The following UNC13C variants were observed in gnomAD, a reference collection of about 807,000 sequenced individuals.
The protein encoded by UNC13C is protein unc-13 homolog C.
In UNC13C, 174 loss-of-function variants were observed where a neutral mutation model predicts 245.4. The observed-to-expected ratio is 0.71, with a 90% CI of 0.63 to 0.80. UNC13C has a LOEUF of 0.80. Among genes scored for constraint, UNC13C ranks in the 30% least tolerant of loss-of-function variants. The pLI, the probability that UNC13C is intolerant of heterozygous loss-of-function variation, is 0.00. For missense variants in UNC13C, 2,829 were observed against 2,602.9 expected (o/e 1.09, Z -1.89); for synonymous variants, 992 against 895.1 (o/e 1.11, Z -1.93).
chr15:54,399,530 T>C (rs1446010188), intron 18 of UNC13C, among the ~76,000 whole-genome samples: 1 of 151,884 alleles, frequency 6.6e-6, no homozygotes, highest in East Asian at 1.9e-4. Context: ...TTCGCATGCA[T>C]TGTACTATAA....
At chr15:53,908,475 A>T in the UNC13C span, among the ~76,000 whole-genome samples, 1 of 146,098 alleles carries the variant, frequency 6.8e-6, no homozygotes. Context: ...TGTAGTATGC[A>T]TGCCTGTAAT....
chr15:54,013,391 C>G lies in UNC13C; in HGVS notation c.488C>G (p.Ser163Cys), dbSNP rs191754433. The change falls in exon 2 of 33, where the codon TCT becomes TGT. Residue 163 changes from serine (S) to cysteine (C), a missense_variant. Physicochemically the swap from Ser to Cys is moderately radical, Grantham distance 112 (BLOSUM62 -1). Coordinates refer to ENST00000260323, the MANE Select transcript of UNC13C (RefSeq NM_001080534.3). Reference sequence around the variant, plus strand: ...AAGAGTTCAAGCAGCCTTGCACCCTCTGAGGGCAGCTCTGACGGGGAGCGT... The same window carrying G: ...AAGAGTTCAAGCAGCCTTGCACCCTGTGAGGGCAGCTCTGACGGGGAGCGT... The part of the protein sequence containing the change: ...NRKSSSSLAP[S>C]EGSSDGERTL... 22 of 1,613,884 alleles carry G rather than the reference C, an allele frequency of 1.4e-5. No homozygotes were observed. Among genetic ancestry groups the G allele is most frequent in the Admixed American group, 1.7e-5 (1 of 59,990 alleles).
intron 19 of UNC13C, among the ~76,000 whole-genome samples, chr15:54,457,892 G>GTTTTTTTTTTTTTTCTTTTTTTTTTT (rs34133938): frequency 3.3e-5 from 4 of 122,994 alleles, no homozygotes; most frequent in South Asian, 2.6e-4. Context: ...TCTGCTTTTC[G>GTTTTTTTTTTTTTTCTTTTTTTTTTT]TTTTTTTTTT....
Position 54,338,584 on chromosome 15 carries a change from A to G in UNC13C, c.4713+95A>G. On this transcript the variant is annotated intron_variant, in intron 17 of 32. Coordinates refer to ENST00000260323, the MANE Select transcript of UNC13C (RefSeq NM_001080534.3). ...TAATAGTAAATAGAAAAGTATGTTCATTTAATTTCACATTAACTGCAAATT... is the reference window on the plus strand; with the variant it reads ...TAATAGTAAATAGAAAAGTATGTTCGTTTAATTTCACATTAACTGCAAATT... 20 of 1,380,270 alleles carry G rather than the reference A, an allele frequency of 1.4e-5. No individual in the cohort carries two copies. The South Asian group carries it at 2.6e-4, about 18-fold the overall frequency. The allele number at this position is 1,380,270 out of a possible 1,614,324, so 85.5% of individuals were successfully genotyped here. A position where few individuals can be genotyped will look rare whatever the true frequency, so the allele number is the denominator to read the frequency against.
chr15:53,873,658 G>A, the UNC13C span, among the ~76,000 whole-genome samples: 4 of 47,544 alleles, frequency 8.4e-5, no homozygotes, highest in Admixed American at 2.3e-4. Context: ...TCTCTTGGAG[G>A]CCCTCTCACT....
At chr15:54,491,868 T>G (rs1461964907) in intron 19 of UNC13C, among the ~76,000 whole-genome samples, 1 of 151,850 alleles carries the variant, frequency 6.6e-6, no homozygotes, top group Admixed American at 6.6e-5. Context: ...CGGGCGCCTG[T>G]AAGTCCCAGC....
intron 19 of UNC13C, among the ~76,000 whole-genome samples, chr15:54,450,131 G>T (rs938032738): frequency 7.2e-5 from 11 of 152,180 alleles, no homozygotes; most frequent in African/African-American, 2.2e-4. Flanking sequence ...TCCTCTGGAA[G>T]TTTCGTCTCA....
chr15:54,615,440 C>A (rs898897793), intron 30 of UNC13C, among the ~76,000 whole-genome samples: 3 of 151,896 alleles, frequency 2.0e-5, no homozygotes, highest in African/African-American at 7.2e-5. Flanking sequence ...TCAGTGATCA[C>A]CAAGAAGAAG....
chr15:53,905,735 A>C, the UNC13C span, among the ~76,000 whole-genome samples: 21,815 of 151,986 alleles, frequency 0.14, 1,788 homozygotes, highest in South Asian at 0.19. Context: ...TGCATTCTAC[A>C]CTTGAAATTT....
chr15:54,530,184 G>A (rs889200977), intron 25 of UNC13C, among the ~76,000 whole-genome samples: 3 of 152,086 alleles, frequency 2.0e-5, no homozygotes, highest in Admixed American at 6.6e-5. Context: ...TAAAAATTAT[G>A]TATATTTAAG....
chr15:53,929,338 G>T, the UNC13C span, among the ~76,000 whole-genome samples: 1 of 152,128 alleles, frequency 6.6e-6, no homozygotes, highest in Admixed American at 6.5e-5. Context: ...TGAGATTTGG[G>T]TGGGGACACA....
chr15:54,562,553 A>G (rs748703920), intron 29 of UNC13C, among the ~76,000 whole-genome samples: 29 of 151,934 alleles, frequency 1.9e-4, no homozygotes, highest in Non-Finnish European at 3.1e-4. Context: ...CTAACTTACA[A>G]GTGGAAGTTT....
chr15:54,006,951 G>A (rs1229581055), intron 1 of UNC13C, among the ~76,000 whole-genome samples: 1 of 152,194 alleles, frequency 6.6e-6, no homozygotes, highest in Non-Finnish European at 1.5e-5. Context: ...TGCACTTTGT[G>A]AGGGTTGCTT....
intron 28 of UNC13C, among the ~76,000 whole-genome samples, chr15:54,550,327 A>G (rs993360836): frequency 6.6e-6 from 1 of 152,090 alleles, no homozygotes; most frequent in African/African-American, 2.4e-5. Flanking sequence ...TAATCTTCAG[A>G]TGTGGCTCTT....
intron 2 of UNC13C, among the ~76,000 whole-genome samples, chr15:54,117,069 A>T (rs551347422): frequency 4.6e-5 from 7 of 152,078 alleles, no homozygotes; most frequent in Non-Finnish European, 8.8e-5. Flanking sequence ...TCTTATTTTG[A>T]TAAATGGCTA....
chr15:54,285,008 G>A (rs547505269), intron 10 of UNC13C, among the ~76,000 whole-genome samples: 1 of 152,114 alleles, frequency 6.6e-6, no homozygotes, highest in Non-Finnish European at 1.5e-5. Flanking sequence ...GGAAATTAAT[G>A]TAGTTTATAA....
chr15:54,400,410 T>G (rs907320773), intron 18 of UNC13C, among the ~76,000 whole-genome samples: 7 of 152,156 alleles, frequency 4.6e-5, no homozygotes, highest in Non-Finnish European at 7.4e-5. Context: ...CAAGAAGCTA[T>G]GTTCATTATC....
At chr15:53,970,311 C>T in the UNC13C span, among the ~76,000 whole-genome samples, 1 of 152,162 alleles carries the variant, frequency 6.6e-6, no homozygotes, top group Non-Finnish European at 1.5e-5. Context: ...TCAGGTGATC[C>T]ACCCGCCTCA....
At chr15:54,438,864 C>A (rs941631065) in intron 19 of UNC13C, among the ~76,000 whole-genome samples, 1 of 151,916 alleles carries the variant, frequency 6.6e-6, no homozygotes, top group East Asian at 1.9e-4. Context: ...TTAAGTTCTT[C>A]CCTCACCTTT....
Sources: allele counts gnomAD v4.1 joint callset (sites outside exome capture counted in the v4.1 genomes callset), GRCh38; gene constraint gnomAD v4.1.1; transcripts MANE v1.5; gene names NCBI Gene and HGNC (gene_info 2026-07-23, HGNC 2026-07-21).